The following TFEC variants were observed in gnomAD, a reference collection of about 807,000 sequenced individuals.
TFEC encodes the protein transcription factor EC, also known as class E basic helix-loop-helix protein 34.
A neutral mutation model predicts 41.6 loss-of-function variants in TFEC; 31 were observed. That is an observed-to-expected ratio of 0.74 (90% CI 0.56 to 1.01). The LOEUF is 1.01. TFEC is among the 50% of genes least tolerant of loss of function. The pLI is 0.00. For missense variants in TFEC, 402 were observed against 404.1 expected (o/e 0.99, Z 0.04); for synonymous variants, 143 against 140.6 (o/e 1.02, Z -0.12).
intron 3 of TFEC, among the ~76,000 whole-genome samples, chr7:116,064,377 AAAAT>A (rs1796643428): frequency 6.6e-6 from 1 of 150,926 alleles, no homozygotes; most frequent in African/African-American, 2.4e-5. Context: ...TCAATAAAAT[AAAAT>A]AAAAAATTAA....
intron 3 of TFEC, among the ~76,000 whole-genome samples, chr7:116,048,775 T>C (rs1252180757): frequency 4.6e-5 from 7 of 152,144 alleles, no homozygotes; most frequent in Admixed American, 1.3e-4. Context: ...AGACTAACAG[T>C]GGATCTCTCA....
At chr7:116,034,709 C>T (rs1795869764), upstream of TFEC, among the ~76,000 whole-genome samples, 1 of 151,574 alleles carries the variant, frequency 6.6e-6, no homozygotes, top group African/African-American at 2.4e-5. Context: ...CACACACACA[C>T]ACACAGCAAC....
chr7:115,969,848 T>C (rs1258563883), intron 3 of TFEC, among the ~76,000 whole-genome samples: 2 of 151,930 alleles, frequency 1.3e-5, no homozygotes, highest in African/African-American at 4.8e-5. Flanking sequence ...ATCTTGGATG[T>C]AGATTACAAA....
In TFEC at chr7:116,158,178, GC is replaced by G. The variant is rs1798906739; in HGVS notation, c.-69+1611del. 2.0e-5 allele frequency among the ~76,000 whole-genome samples: 3 copies of G among 151,932 alleles called. No individual in the cohort carries two copies. In the South Asian group the frequency reaches 6.2e-4, roughly 32 times the overall value. ...AAAACTTAACACATTTTTGGAAGAG[GC>G]ATTCTCTGAGCATCCTATATTTGTC... On this transcript the variant is annotated intron_variant, in intron 1 of 8. Coordinates refer to the TFEC transcript ENST00000484212.
intron 6 of TFEC, among the ~76,000 whole-genome samples, chr7:115,946,641 TTTTC>T (rs201049700): frequency 0.051 from 7,586 of 148,582 alleles, 635 homozygotes; most frequent in African/African-American, 0.18. Flanking sequence ...TCTCTCTTTA[TTTTC>T]TTTTTCTTTC....
intron 1 of TFEC, among the ~76,000 whole-genome samples, chr7:116,002,796 C>G (rs1004438643): frequency 6.6e-6 from 1 of 151,926 alleles, no homozygotes; most frequent in African/African-American, 2.4e-5. Flanking sequence ...AAATGCACCC[C>G]TGTTACATAC....
chr7:116,051,919 T>TG (rs1796321848), intron 3 of TFEC, among the ~76,000 whole-genome samples: 1 of 152,088 alleles, frequency 6.6e-6, no homozygotes, highest in Non-Finnish European at 1.5e-5. Context: ...CAGGGCCTTA[T>TG]GCAGAAGATA....
chr7:116,077,422 T>A (rs886539557), intron 3 of TFEC, among the ~76,000 whole-genome samples: 4 of 152,070 alleles, frequency 2.6e-5, no homozygotes, highest in Admixed American at 2.0e-4. Flanking sequence ...GTACCTCACA[T>A]CTCAATGCTA....
At chr7:115,993,054 G>A (rs117731689) in intron 1 of TFEC, among the ~76,000 whole-genome samples, 20,959 of 152,028 alleles carry the variant, frequency 0.14, 1,938 homozygotes, top group Non-Finnish European at 0.21. Flanking sequence ...TTCAACATAC[G>A]CAAAAATCAA....
intron 1 of TFEC, among the ~76,000 whole-genome samples, chr7:116,005,487 TTTGTGGAACTTTGAAC>T (rs1202991493): frequency 6.6e-6 from 1 of 152,178 alleles, no homozygotes; most frequent in Admixed American, 6.5e-5. Context: ...GCTGTAGAGA[TTTGTGGAACTTTGAAC>T]TTGAAAGAGA....
Position 116,140,101 on chromosome 7 carries a change from A to G in TFEC, c.-69+19689T>C, listed in dbSNP as rs78112170. 8.0e-3 allele frequency among the ~76,000 whole-genome samples: 1,226 copies of G among 152,344 alleles called. 20 individuals carry two copies. Among genetic ancestry groups the G allele is most frequent in the African/African-American group, 0.028 (1,147 of 41,590 alleles). On this transcript the variant is annotated intron_variant, in intron 1 of 8. Coordinates refer to the TFEC transcript ENST00000484212. ...TGAAGCAGGAGTGAAAAATTCTACC[A>G]GGAGAGGTGAAGGACTGTGAGGAAA...
At chr7:116,148,919 C>G (rs1278546090) in intron 1 of TFEC, among the ~76,000 whole-genome samples, 2 of 150,962 alleles carry the variant, frequency 1.3e-5, no homozygotes, top group African/African-American at 4.9e-5. Context: ...AAAAAATGGC[C>G]CAAAGACTAA....
At chr7:115,966,112 A>G (rs181612319) in intron 3 of TFEC, among the ~76,000 whole-genome samples, 3 of 151,834 alleles carry the variant, frequency 2.0e-5, no homozygotes, top group Admixed American at 2.0e-4. Flanking sequence ...TCTGAAATCT[A>G]AAATCTTTCT....
At chr7:115,997,816 C>T (rs565793341) in intron 1 of TFEC, among the ~76,000 whole-genome samples, 6 of 151,976 alleles carry the variant, frequency 3.9e-5, no homozygotes, top group Admixed American at 6.6e-5. Context: ...TGCTGAAGAA[C>T]GCATCAGAGT....
chr7:115,990,349 C>A lies in TFEC; in HGVS notation c.-72-5836G>T, dbSNP rs188245795. 1.0e-3 allele frequency among the ~76,000 whole-genome samples: 156 copies of A among 152,306 alleles called. 1 individual carries two copies. Among genetic ancestry groups the A allele is most frequent in the African/African-American group, 3.7e-3 (152 of 41,580 alleles). On this transcript the variant is annotated intron_variant, in intron 1 of 7. Transcript: ENST00000265440. ...CCACCAAAGGAGCGCGGCTCCTCAC[C>A]AGCAACGGAACAAACCTGGATGGAG... is the stretch of plus-strand genomic sequence containing the variant.
intron 3 of TFEC, among the ~76,000 whole-genome samples, chr7:116,096,510 T>C (rs1003856492): frequency 1.7e-4 from 26 of 152,322 alleles, no homozygotes; most frequent in Admixed American, 4.6e-4. Context: ...CATTCTAATA[T>C]GTGTATAGTA....
chr7:115,992,353 G>C (rs527754779), intron 1 of TFEC, among the ~76,000 whole-genome samples: 201 of 152,222 alleles, frequency 1.3e-3, no homozygotes, highest in African/African-American at 4.5e-3. Context: ...AAATAACTAA[G>C]ATCAGAGCAG....
intron 3 of TFEC, among the ~76,000 whole-genome samples, chr7:116,099,536 T>C (rs1030870036): frequency 6.6e-6 from 1 of 152,198 alleles, no homozygotes; most frequent in African/African-American, 2.4e-5. Context: ...CAGTCCCCTT[T>C]CTTCTTGCTT....
intron 3 of TFEC, among the ~76,000 whole-genome samples, chr7:115,968,573 A>G (rs908804264): frequency 2.6e-5 from 4 of 151,936 alleles, no homozygotes; most frequent in African/African-American, 9.7e-5. Context: ...ATGCACAACC[A>G]CGTCTCTGAA....
Sources: gnomAD v4.1 joint callset for allele counts (sites outside exome capture counted in the v4.1 genomes callset) on GRCh38, gnomAD v4.1.1 for gene constraint, MANE v1.5 for transcripts, NCBI Gene and HGNC (gene_info 2026-07-23, HGNC 2026-07-21) for gene names.